Variants in AKR1C8 observed in about 807,000 individuals in gnomAD.
AKR1C8 encodes the protein aldo-keto reductase family 1 member C8.
At chr10:5,137,231 C>T in the AKR1C8 span, among the ~76,000 whole-genome samples, 2 of 152,086 alleles carry the variant, frequency 1.3e-5, no homozygotes, top group Non-Finnish European at 2.9e-5. Context: ...CAGCTCCCAG[C>T]GTGATTGATG....
chr10:5,138,934 T>A, the AKR1C8 span, among the ~76,000 whole-genome samples: 1 of 152,200 alleles, frequency 6.6e-6, no homozygotes, highest in Non-Finnish European at 1.5e-5. Context: ...CAAAATCTCC[T>A]TAAGCTGATA....
chr10:5,124,839 T>C, the AKR1C8 span, among the ~76,000 whole-genome samples: 1 of 152,168 alleles, frequency 6.6e-6, no homozygotes, highest in Non-Finnish European at 1.5e-5. Flanking sequence ...TGACTAATTG[T>C]GGGGCAATCT....
the AKR1C8 span, among the ~76,000 whole-genome samples, chr10:5,143,730 AATATCTATATATTT>A: frequency 6.8e-6 from 1 of 148,064 alleles, no homozygotes; most frequent in Admixed American, 6.8e-5. Flanking sequence ...TATTATATAT[AATATCTATATATTT>A]ATATCTATAT....
chr10:5,128,585 G>A, the AKR1C8 span, among the ~76,000 whole-genome samples: 1 of 151,934 alleles, frequency 6.6e-6, no homozygotes. Flanking sequence ...TTAAAAAGGT[G>A]GGAAAAGAGA....
At chr10:5,159,711 T>C in the AKR1C8 span, among the ~76,000 whole-genome samples, 1 of 152,128 alleles carries the variant, frequency 6.6e-6, no homozygotes, top group Non-Finnish European at 1.5e-5. Flanking sequence ...TTCTGAAGAA[T>C]TGTGCTCTTC....
the AKR1C8 span, among the ~76,000 whole-genome samples, chr10:5,129,472 T>G: frequency 6.6e-6 from 1 of 151,972 alleles, no homozygotes; most frequent in African/African-American, 2.4e-5. Flanking sequence ...AAAAGATCAA[T>G]GAAAGATAAA....
the AKR1C8 span, among the ~76,000 whole-genome samples, chr10:5,180,762 G>C: frequency 6.6e-6 from 1 of 152,238 alleles, no homozygotes; most frequent in African/African-American, 2.4e-5. Context: ...CAATCAGCTA[G>C]ACTCCGTGGA....
At chr10:5,162,558 T>C in the AKR1C8 span, among the ~76,000 whole-genome samples, 2 of 152,188 alleles carry the variant, frequency 1.3e-5, no homozygotes, top group African/African-American at 4.8e-5. Flanking sequence ...TAAGAGCTCT[T>C]ACTGAAGAAC....
chr10:5,166,135 A>G, the AKR1C8 span, among the ~76,000 whole-genome samples: 1 of 151,824 alleles, frequency 6.6e-6, no homozygotes, highest in East Asian at 1.9e-4. Context: ...TTCAGCCTGC[A>G]CTCTTCTCAA....
the AKR1C8 span, chr10:5,157,534 A>G: frequency 2.7e-6 from 1 of 369,328 alleles, no homozygotes; most frequent in Non-Finnish European, 5.6e-6. Context: ...CAGAGTGGAG[A>G]GCACAGGAAT....
At chr10:5,154,544 A>T in the AKR1C8 span, 142 of 195,354 alleles carry the variant, frequency 7.3e-4, no homozygotes, top group Non-Finnish European at 1.3e-3. Context: ...ACACAGGGCC[A>T]CAGACATGAG....
the AKR1C8 span, among the ~76,000 whole-genome samples, chr10:5,169,204 G>T: frequency 6.6e-6 from 1 of 152,190 alleles, no homozygotes; most frequent in Admixed American, 6.5e-5. Flanking sequence ...TCCTTGAAAT[G>T]CATGAGGCTA....
At chr10:5,140,240 G>A in the AKR1C8 span, among the ~76,000 whole-genome samples, 17 of 152,148 alleles carry the variant, frequency 1.1e-4, no homozygotes, top group African/African-American at 2.9e-4. Context: ...ACAGTGTGGC[G>A]ATTTCTCAAG....
the AKR1C8 span, chr10:5,155,760 G>A: frequency 2.1e-6 from 1 of 471,546 alleles, no homozygotes; most frequent in Non-Finnish European, 4.4e-6. Flanking sequence ...TCAAAAATCT[G>A]AAAGGAAGAA....
chr10:5,163,208 G>T, the AKR1C8 span, among the ~76,000 whole-genome samples: 1 of 152,126 alleles, frequency 6.6e-6, no homozygotes, highest in African/African-American at 2.4e-5. Flanking sequence ...ATTCCCAAAT[G>T]AATTAGAGAA....
the AKR1C8 span, among the ~76,000 whole-genome samples, chr10:5,156,612 AT>A: frequency 3.3e-5 from 5 of 151,926 alleles, no homozygotes; most frequent in Non-Finnish European, 7.4e-5. Context: ...CTACCAACAC[AT>A]TTATCCACCA....
the AKR1C8 span, chr10:5,132,801 A>G: frequency 4.1e-6 from 4 of 979,770 alleles, no homozygotes; most frequent in Admixed American, 1.0e-4. Context: ...GTATTTGGTG[A>G]TCAATGTGCT....
At chr10:5,129,669 G>C in the AKR1C8 span, among the ~76,000 whole-genome samples, 1 of 151,918 alleles carries the variant, frequency 6.6e-6, no homozygotes, top group Non-Finnish European at 1.5e-5. Context: ...GTAAAATCTA[G>C]AGTAAATGGA....
chr10:5,133,018 T>A, the AKR1C8 span, among the ~76,000 whole-genome samples: 3 of 152,166 alleles, frequency 2.0e-5, no homozygotes, highest in Non-Finnish European at 4.4e-5. Context: ...AAGAACAACC[T>A]CAGATTCAGT....
Sources: gnomAD v4.1 joint callset for allele counts (sites outside exome capture counted in the v4.1 genomes callset) on GRCh38, gnomAD v4.1.1 for gene constraint, MANE v1.5 for transcripts, NCBI Gene and HGNC (gene_info 2026-07-23, HGNC 2026-07-21) for gene names.